The following SIRT1 variants were observed in gnomAD, a reference collection of about 807,000 sequenced individuals.
SIRT1 encodes NAD-dependent protein deacetylase sirtuin-1.
SIRT1 carries 24 observed loss-of-function variants against 67.9 expected under a neutral mutation model. That is an observed-to-expected ratio of 0.35 (90% CI 0.26 to 0.50). The LOEUF is 0.50. Ranked by LOEUF, SIRT1 falls within the 20% of genes least tolerant of loss-of-function variation. SIRT1 has a pLI of 0.98. For missense variants in SIRT1, 873 were observed against 937.2 expected (o/e 0.93, Z 0.89); for synonymous variants, 378 against 350.7 (o/e 1.08, Z -0.87).
intron 3 of SIRT1, 42 bp from the exon 4 acceptor site, chr10:67,891,360 G>T: frequency 6.3e-7 from 1 of 1,589,530 alleles, no homozygotes; most frequent in Middle Eastern, 1.7e-4. Context: ...TCCTATAAAG[G>T]TAGAAGATTT....
At chr10:67,889,216 C>CCTG in intron 3 of SIRT1, 93 bp downstream of exon 3, 1 of 1,371,536 alleles carries the variant, frequency 7.3e-7, no homozygotes, top group South Asian at 1.6e-5. Context: ...AGGATTTATC[C>CCTG]TTACATGATA....
chr10:67,901,054 A>G (rs1014243760), intron 4 of SIRT1, among the ~76,000 whole-genome samples: 2 of 152,228 alleles, frequency 1.3e-5, no homozygotes, highest in Admixed American at 1.3e-4. Flanking sequence ...GTAATATGTA[A>G]TAGAAATGGT....
At position 67,916,773 on chromosome 10, in the gene SIRT1, T is replaced by C; in HGVS notation, c.*180T>C. Reference sequence around the variant, plus strand: ...TTTAACTTCATTATTTCTGTACTTGTACAAACTCAACACTAACTTTTTTTT... The same window carrying C: ...TTTAACTTCATTATTTCTGTACTTGCACAAACTCAACACTAACTTTTTTTT... On this transcript the variant is annotated 3_prime_UTR_variant, in exon 9 of 9. Transcript: ENST00000212015. The C allele has an allele frequency of 2.3e-6, 1 of 434,536 alleles. No homozygotes were observed. Among genetic ancestry groups the C allele is most frequent in the Non-Finnish European group, 4.0e-6 (1 of 249,890 alleles). 26.9% of individuals were successfully genotyped at this position (434,536 alleles called of 1,614,324 possible). A position where few individuals can be genotyped will look rare whatever the true frequency, so the allele number is the denominator to read the frequency against.
intron 3 of SIRT1, among the ~76,000 whole-genome samples, chr10:67,890,494 C>T (rs768049825): frequency 2.0e-5 from 3 of 151,940 alleles, no homozygotes; most frequent in Admixed American, 6.6e-5. Context: ...CATGTAATTC[C>T]AGCACTTTGG....
chr10:67,889,783 T>C (rs1361935577), intron 3 of SIRT1, among the ~76,000 whole-genome samples: 1 of 152,208 alleles, frequency 6.6e-6, no homozygotes, highest in African/African-American at 2.4e-5. Flanking sequence ...ATCAGGAGTA[T>C]GTTTTGCTCA....
intron 4 of SIRT1, among the ~76,000 whole-genome samples, chr10:67,903,889 T>C (rs939858896): frequency 6.6e-6 from 1 of 152,050 alleles, no homozygotes; most frequent in Non-Finnish European, 1.5e-5. Flanking sequence ...CCAGCCCTCA[T>C]GATTGGTTGC....
intron 1 of SIRT1, among the ~76,000 whole-genome samples, chr10:67,885,840 T>C (rs938452263): frequency 6.6e-6 from 1 of 152,048 alleles, no homozygotes; most frequent in African/African-American, 2.4e-5. Flanking sequence ...GTGTTTGGGC[T>C]AAACATGCTT....
chr10:67,907,645 C>G (rs1842841306), intron 5 of SIRT1, among the ~76,000 whole-genome samples: 1 of 152,016 alleles, frequency 6.6e-6, no homozygotes, highest in African/African-American at 2.4e-5. Context: ...AAACAAGTAT[C>G]AACAGGCCAT....
At chr10:67,914,016 GTACTT>G (rs1186213495) in intron 8 of SIRT1, among the ~76,000 whole-genome samples, 1 of 145,154 alleles carries the variant, frequency 6.9e-6, no homozygotes, top group Admixed American at 6.9e-5. Context: ...GAAGAACAAA[GTACTT>G]TATTATTGTT....
At chr10:67,898,489 T>C (rs982194915) in intron 4 of SIRT1, among the ~76,000 whole-genome samples, 5 of 152,276 alleles carry the variant, frequency 3.3e-5, no homozygotes, top group Middle Eastern at 3.4e-3. Context: ...TACCAGATTA[T>C]GTATTAATAG....
At chr10:67,893,566 G>A (rs946971609) in intron 4 of SIRT1, among the ~76,000 whole-genome samples, 2 of 145,686 alleles carry the variant, frequency 1.4e-5, no homozygotes, top group African/African-American at 5.1e-5. Flanking sequence ...TTTTGGAGAC[G>A]GAGTCTGGCT....
At position 67,896,107 on chromosome 10, in the gene SIRT1, A is replaced by C. The variant is rs539390014; in HGVS notation, c.942+4553A>C. ...GTGTTAAGGAAGTTATTGCTCTGTTAGAGCAGTTTCTTAAATTTGGCACTA... is the reference window on the plus strand; with the variant it reads ...GTGTTAAGGAAGTTATTGCTCTGTTCGAGCAGTTTCTTAAATTTGGCACTA... On this transcript the variant is annotated intron_variant, in intron 4 of 8. Coordinates refer to ENST00000212015, the MANE Select transcript of SIRT1 (RefSeq NM_012238.5). Among the ~76,000 whole-genome samples the C allele has an allele frequency of 4.4e-3, 675 of 152,260 alleles. 3 individuals carry two copies. Among genetic ancestry groups the C allele is most frequent in the African/African-American group, 0.015 (632 of 41,546 alleles).
intron 4 of SIRT1, chr10:67,906,358 A>AT: frequency 1.4e-6 from 2 of 1,463,860 alleles, no homozygotes. Context: ...TCAAAAAAAA[A>AT]TTTTAAATAT....
chr10:67,885,950 T>C lies in SIRT1; in HGVS notation c.430+799T>C, dbSNP rs1030810973. 2.0e-3 allele frequency among the ~76,000 whole-genome samples: 282 copies of C among 139,582 alleles called. 4 individuals carry two copies. The highest frequency in any genetic ancestry group is 3.2e-3 in the Non-Finnish European group (211 of 65,398). 91.6% of individuals were successfully genotyped at this position (139,582 alleles called of 152,430 possible). ...ATGTTCTTGAAGGTTTCTTTTTTTTTTTTTTTTTTTTTTTGAGACGGAGTC... is the reference window on the plus strand; with the variant it reads ...ATGTTCTTGAAGGTTTCTTTTTTTTCTTTTTTTTTTTTTTGAGACGGAGTC... On this transcript the variant is annotated intron_variant, in intron 1 of 8. Transcript: ENST00000212015.
intron 3 of SIRT1, among the ~76,000 whole-genome samples, chr10:67,890,252 C>T (rs1842548135): frequency 6.6e-6 from 1 of 152,126 alleles, no homozygotes; most frequent in Non-Finnish European, 1.5e-5. Flanking sequence ...GATGGGGTTT[C>T]ACCATATTGG....
chr10:67,912,803 AATG>A lies in SIRT1; in HGVS notation c.1693_1695del (p.Asp565del). ...ACTTTTAGACCAAGCAGCTAAGAGT[AATG>A]ATGATTTAGATGTGTCTGAATCAAA... On this transcript the variant is annotated inframe_deletion, in exon 8 of 9. Coordinates refer to ENST00000212015, the MANE Select transcript of SIRT1 (RefSeq NM_012238.5). 2.5e-6 allele frequency: 4 copies of A among 1,614,172 alleles called. No homozygotes were observed. The highest frequency in any genetic ancestry group is 3.4e-6 in the Non-Finnish European group (4 of 1,180,022).
chr10:67,908,249 T>A, intron 6 of SIRT1, 124 bp downstream of exon 6: 2 of 764,312 alleles, frequency 2.6e-6, no homozygotes, highest in Non-Finnish European at 4.1e-6. Flanking sequence ...AGAAAATAGT[T>A]AGCATTTGGG....
intron 4 of SIRT1, among the ~76,000 whole-genome samples, chr10:67,896,232 A>G (rs1842656079): frequency 6.6e-6 from 1 of 152,098 alleles, no homozygotes; most frequent in African/African-American, 2.4e-5. Context: ...GGCTCCTTGA[A>G]CAGGAGGCTC....
chr10:67,887,656 A>AC, intron 2 of SIRT1, 123 bp downstream of exon 2: 1 of 571,586 alleles, frequency 1.7e-6, no homozygotes, highest in Middle Eastern at 5.0e-4. Context: ...GGCTCACCGT[A>AC]CCCTCCGCCT....
Sources: gnomAD v4.1 joint callset for allele counts (sites outside exome capture counted in the v4.1 genomes callset) on GRCh38, gnomAD v4.1.1 for gene constraint, MANE v1.5 for transcripts, NCBI Gene and HGNC (gene_info 2026-07-23, HGNC 2026-07-21) for gene names.